CNTN1: variants seen among roughly 807,000 people sequenced by gnomAD.
CNTN1 encodes contactin 1, also known as contactin-1.
In CNTN1, 38 loss-of-function variants were observed where a neutral mutation model predicts 126.4. That is an observed-to-expected ratio of 0.30 (90% confidence interval 0.23 to 0.39). CNTN1 has a LOEUF of 0.39. Ranked by LOEUF, CNTN1 falls within the 10% of genes least tolerant of loss-of-function variation. The pLI is 1.00. For missense variants in CNTN1, 1,009 were observed against 1,248.4 expected (o/e 0.81, Z 2.89); for synonymous variants, 413 against 422.6 (o/e 0.98, Z 0.28).
intron 23 of CNTN1, among the ~76,000 whole-genome samples, chr12:41,048,447 T>C (rs1949594344): frequency 6.6e-6 from 1 of 152,156 alleles, no homozygotes; most frequent in Admixed American, 6.6e-5. Context: ...CATACGCCCA[T>C]GTGACCTGCC....
At chr12:40,785,461 G>T (rs1187226426) in intron 1 of CNTN1, among the ~76,000 whole-genome samples, 2 of 152,148 alleles carry the variant, frequency 1.3e-5, no homozygotes, top group African/African-American at 4.8e-5. Context: ...GAGCAACAAG[G>T]CTGTTTATTT....
intron 1 of CNTN1, among the ~76,000 whole-genome samples, chr12:40,850,239 A>T (rs1235178831): frequency 6.6e-6 from 1 of 152,130 alleles, no homozygotes; most frequent in Non-Finnish European, 1.5e-5. Context: ...TTAACTTATG[A>T]CAAATCTTTG....
At chr12:40,923,953 AAG>A (rs2136879796) in intron 5 of CNTN1, among the ~76,000 whole-genome samples, 1 of 152,284 alleles carries the variant, frequency 6.6e-6, no homozygotes, top group East Asian at 1.9e-4. Context: ...AAAACAAATG[AAG>A]AACTGGAAGA....
chr12:40,793,465 G>GAAA (rs5797683), intron 1 of CNTN1, among the ~76,000 whole-genome samples: 1 of 145,560 alleles, frequency 6.9e-6, no homozygotes. Flanking sequence ...TACTTGTGGG[G>GAAA]AAAAAAAAAA....
At chr12:40,771,082 C>A (rs993261641) in intron 1 of CNTN1, among the ~76,000 whole-genome samples, 4 of 152,026 alleles carry the variant, frequency 2.6e-5, no homozygotes, top group African/African-American at 9.7e-5. Context: ...CTAAAGAAGC[C>A]TGCTCTAAGA....
intron 23 of CNTN1, among the ~76,000 whole-genome samples, chr12:41,046,057 A>T: frequency 6.6e-6 from 1 of 152,120 alleles, no homozygotes; most frequent in South Asian, 2.1e-4. Flanking sequence ...GCCCATAGAG[A>T]TGCCTTAGAA....
intron 15 of CNTN1, among the ~76,000 whole-genome samples, chr12:40,973,693 A>AT (rs1298396354): frequency 6.6e-6 from 1 of 152,100 alleles, no homozygotes; most frequent in African/African-American, 2.4e-5. Flanking sequence ...TGCTATATGA[A>AT]TTCCCCAAAG....
At chr12:40,909,323 C>T (rs1011510492) in intron 2 of CNTN1, among the ~76,000 whole-genome samples, 1 of 151,898 alleles carries the variant, frequency 6.6e-6, no homozygotes, top group Non-Finnish European at 1.5e-5. Flanking sequence ...GATATAATTA[C>T]CCAACTAGTA....
At chr12:40,813,122 CTTCTTTCTTTCT>C (rs199869532) in intron 1 of CNTN1, among the ~76,000 whole-genome samples, 3 of 117,862 alleles carry the variant, frequency 2.5e-5, no homozygotes, top group African/African-American at 9.6e-5. Flanking sequence ...TCTTTCTTTC[CTTCTTTCTTTCT>C]TTCTTTTTCT....
chr12:40,956,679 G>A (rs1362149113), intron 14 of CNTN1, among the ~76,000 whole-genome samples: 1 of 152,074 alleles, frequency 6.6e-6, no homozygotes, highest in Admixed American at 6.6e-5. Flanking sequence ...CACTAGGTGA[G>A]CTGGAGCATC....
At chr12:40,692,936 A>G (rs1293571214) in intron 1 of CNTN1, among the ~76,000 whole-genome samples, 1 of 152,156 alleles carries the variant, frequency 6.6e-6, no homozygotes, top group Non-Finnish European at 1.5e-5. Flanking sequence ...TCGCCTCGGC[A>G]GGGGAGGGGT....
In CNTN1 at chr12:40,981,078, T is replaced by C; in HGVS notation, c.1963+11T>C. Reference sequence around the variant, plus strand: ...AAGATGCAAAGACAGGTGAGTTTTATTTGTCTGATTAATCCGTGCATGTTT... The same window carrying C: ...AAGATGCAAAGACAGGTGAGTTTTACTTGTCTGATTAATCCGTGCATGTTT... On this transcript the variant is annotated intron_variant, in intron 16 of 23. Transcript: ENST00000551295. 1 of 1,611,624 alleles carries C rather than the reference T, an allele frequency of 6.2e-7. No individual in the cohort carries two copies. Among genetic ancestry groups the C allele is most frequent in the Non-Finnish European group, 8.5e-7 (1 of 1,179,308 alleles).
intron 23 of CNTN1, among the ~76,000 whole-genome samples, chr12:41,042,036 T>G (rs1949426971): frequency 6.6e-6 from 1 of 152,230 alleles, no homozygotes; most frequent in South Asian, 2.1e-4. Flanking sequence ...CTTTCCTGCT[T>G]TCTCTTATGG....
chr12:40,711,908 G>T (rs1941923036), intron 1 of CNTN1, among the ~76,000 whole-genome samples: 2 of 151,998 alleles, frequency 1.3e-5, no homozygotes, highest in African/African-American at 2.4e-5. Flanking sequence ...AAGAGGTCTT[G>T]CTATGTTTGC....
In CNTN1 at chr12:40,944,033, A is replaced by G. The variant is rs547675934; in HGVS notation, c.1546A>G (p.Ile516Val). 3.1e-5 allele frequency: 50 copies of G among 1,613,610 alleles called. No individual in the cohort carries two copies. In the Middle Eastern group the frequency reaches 6.6e-4, roughly 21 times the overall value. The change falls in exon 14 of 24, where the codon ATC becomes GTC. Residue 516 changes from isoleucine to valine, a missense_variant. Ile to Val is a conservative substitution (Grantham distance 29). Coordinates refer to ENST00000551295, the MANE Select transcript of CNTN1 (RefSeq NM_001843.4). ...TATATTGGCCCCAATTAATGCCGAT[A>G]TCACAGTTGGAGAAAACGCCACCAT... is the stretch of plus-strand genomic sequence containing the variant. ...RIILAPINADITVGENATMQC... is the reference protein window; with the variant it reads ...RIILAPINADVTVGENATMQC...
chr12:40,870,097 A>G (rs1202965346), intron 1 of CNTN1, among the ~76,000 whole-genome samples: 1 of 151,934 alleles, frequency 6.6e-6, no homozygotes, highest in African/African-American at 2.4e-5. Context: ...CTGCCATGTG[A>G]GATGTGCCTT....
chr12:41,051,977 C>A (rs35354427), intron 23 of CNTN1, among the ~76,000 whole-genome samples: 1 of 151,198 alleles, frequency 6.6e-6, no homozygotes, highest in Non-Finnish European at 1.5e-5. Context: ...TCTCTGTGAG[C>A]AGTGTAGATA....
rs1224171895 is a variant in CNTN1, at chr12:41,025,290, G to A, written c.2664G>A (p.Gly888=). 6.2e-7 allele frequency: 1 copy of A among 1,613,694 alleles called. No homozygotes were observed. Among genetic ancestry groups the A allele is most frequent in the South Asian group, 1.1e-5 (1 of 91,072 alleles). The change falls in exon 21 of 24, where the codon GGG becomes GGA. Residue 888 remains glycine (G), a synonymous_variant. Coordinates refer to ENST00000551295, the MANE Select transcript of CNTN1 (RefSeq NM_001843.4). ...FIEVGACNSA[G]CGPPSDMIEA... ...AAGTCGGGGCCTGCAATAGTGCAGG[G>A]TGTGGACCTCCAAGTGACATGATTG...
intron 3 of CNTN1, among the ~76,000 whole-genome samples, chr12:40,912,072 G>A (rs566106672): frequency 6.6e-6 from 1 of 152,252 alleles, no homozygotes; most frequent in African/African-American, 2.4e-5. Context: ...AGTTTTTAAT[G>A]ATTATTTTAC....
Sources: gnomAD v4.1 joint callset for allele counts (sites outside exome capture counted in the v4.1 genomes callset) on GRCh38, gnomAD v4.1.1 for gene constraint, MANE v1.5 for transcripts, NCBI Gene and HGNC (gene_info 2026-07-23, HGNC 2026-07-21) for gene names.